The following CMTM4 variants were observed in gnomAD, a reference collection of about 807,000 sequenced individuals.
The protein encoded by CMTM4 is CKLF like MARVEL transmembrane domain containing 4.
CMTM4 carries 8 observed loss-of-function variants against 19.0 expected under a neutral mutation model. The observed-to-expected ratio is 0.42, with a 90% CI of 0.25 to 0.76. CMTM4 has a LOEUF of 0.76. CMTM4 is among the 30% of genes least tolerant of loss of function. CMTM4 has a pLI of 0.27. For missense variants in CMTM4, 228 were observed against 290.2 expected, an observed-to-expected ratio of 0.79 and a Z score of 1.56; for synonymous variants, 106 against 121.1, an observed-to-expected ratio of 0.88 and a Z score of 0.82.
chr16:66,624,168 C>T (rs537568041), intron 2 of CMTM4, among the ~76,000 whole-genome samples: 6 of 152,322 alleles, frequency 3.9e-5, no homozygotes, highest in South Asian at 2.1e-4. Context: ...CTGTGCTTTA[C>T]GTGAGAATGT....
chr16:66,622,366 C>T lies in CMTM4; in HGVS notation c.463-144G>A. On this transcript the variant is annotated intron_variant, in intron 3 of 3. Coordinates refer to ENST00000394106, the MANE Select transcript of CMTM4 (RefSeq NM_181521.3). This position sits in a 1 kb window ranked among gnomAD's most constrained non-coding sequence, Gnocchi z 4.0. ...GTGCCTTCATTCCTTGATCTCTTCC[C>T]CCTCTCAGCAGCCCCATTTGATCTA... 1.1e-6 allele frequency: 1 copy of T among 897,508 alleles called. No individual in the cohort carries two copies. The highest frequency in any genetic ancestry group is 1.7e-5 in the South Asian group (1 of 59,630). The allele number at this position is 897,508 out of a possible 1,614,324, so 55.6% of individuals were successfully genotyped here. A position where few individuals can be genotyped will look rare whatever the true frequency, so the allele number is the denominator to read the frequency against.
intron 1 of CMTM4, among the ~76,000 whole-genome samples, chr16:66,695,451 T>TG (rs2017216024): frequency 6.6e-6 from 1 of 152,096 alleles, no homozygotes; most frequent in Non-Finnish European, 1.5e-5. Flanking sequence ...CAGAGAATGT[T>TG]GGGGGGACAC....
chr16:66,608,275 G>T, the CMTM4 span: 10 of 1,612,412 alleles, frequency 6.2e-6, no homozygotes, highest in Non-Finnish European at 8.5e-6. The surrounding 1 kb of genome is among the most constrained non-coding windows in gnomAD (Gnocchi z 5.1). Flanking sequence ...AACATGAAAA[G>T]GCTCTGACTT....
intron 1 of CMTM4, among the ~76,000 whole-genome samples, chr16:66,668,923 T>C (rs901038147): frequency 2.0e-5 from 3 of 152,228 alleles, no homozygotes; most frequent in African/African-American, 4.8e-5. Flanking sequence ...GCTGGAAAAC[T>C]GCTTAGCTGT....
At chr16:66,674,968 C>A (rs2016782072) in intron 1 of CMTM4, among the ~76,000 whole-genome samples, 1 of 151,982 alleles carries the variant, frequency 6.6e-6, no homozygotes, top group Admixed American at 6.6e-5. Context: ...GTCTCAAACT[C>A]CTGACCTCAG....
chr16:66,614,267 C>T (rs1385950241), downstream of CMTM4, among the ~76,000 whole-genome samples: 1 of 152,234 alleles, frequency 6.6e-6, no homozygotes, highest in Admixed American at 6.5e-5. The surrounding 1 kb of genome is among the most constrained non-coding windows in gnomAD (Gnocchi z 4.9). Context: ...CTAGTTCTCA[C>T]ACTACCCTGT....
chr16:66,676,701 T>G (rs355930), intron 1 of CMTM4, among the ~76,000 whole-genome samples: 148,807 of 152,198 alleles, frequency 0.98, 72,764 homozygotes, highest in East Asian at 1. Flanking sequence ...CCTTGATTTG[T>G]GACTTGTTCC....
intron 2 of CMTM4, among the ~76,000 whole-genome samples, chr16:66,628,052 C>G (rs1474002793): frequency 6.6e-6 from 1 of 152,182 alleles, no homozygotes; most frequent in African/African-American, 2.4e-5. Context: ...TGGATGTGCA[C>G]GTAGGCCAGA....
chr16:66,649,966 C>T (rs2144838068), intron 1 of CMTM4, among the ~76,000 whole-genome samples: 1 of 152,264 alleles, frequency 6.6e-6, no homozygotes, highest in East Asian at 1.9e-4. Flanking sequence ...AGTTCCAGTC[C>T]AGCCAACACA....
chr16:66,649,377 G>A (rs1250548415), intron 1 of CMTM4, among the ~76,000 whole-genome samples: 1 of 152,074 alleles, frequency 6.6e-6, no homozygotes, highest in African/African-American at 2.4e-5. Context: ...CCTAACTCTA[G>A]GGATGCATTG....
chr16:66,653,072 G>T (rs1158212466), intron 1 of CMTM4, among the ~76,000 whole-genome samples: 1 of 152,130 alleles, frequency 6.6e-6, no homozygotes, highest in Non-Finnish European at 1.5e-5. Context: ...TAGCTTCATA[G>T]ATGAAGCTGA....
At chr16:66,676,330 G>T (rs945006684) in intron 1 of CMTM4, among the ~76,000 whole-genome samples, 4 of 152,134 alleles carry the variant, frequency 2.6e-5, no homozygotes, top group Admixed American at 2.0e-4. Flanking sequence ...TCATAATTCT[G>T]TCTCTCCCCA....
At chr16:66,638,818 C>G (rs371231017) in intron 1 of CMTM4, among the ~76,000 whole-genome samples, 1 of 151,974 alleles carries the variant, frequency 6.6e-6, no homozygotes, top group Non-Finnish European at 1.5e-5. Context: ...TGAGATCGTG[C>G]CACTGCACTC....
chr16:66,652,833 G>A (rs1453838253), intron 1 of CMTM4, among the ~76,000 whole-genome samples: 1 of 152,196 alleles, frequency 6.6e-6, no homozygotes, highest in South Asian at 2.1e-4. Flanking sequence ...GAAAACCACA[G>A]GACGGTCAGC....
intron 1 of CMTM4, among the ~76,000 whole-genome samples, chr16:66,664,762 G>A (rs1453332444): frequency 6.6e-6 from 1 of 151,860 alleles, no homozygotes; most frequent in African/African-American, 2.4e-5. Context: ...GGGAAAACAG[G>A]AACAAAACAG....
the CMTM4 span, among the ~76,000 whole-genome samples, chr16:66,601,056 C>G: frequency 1.3e-5 from 2 of 151,742 alleles, no homozygotes; most frequent in African/African-American, 4.8e-5. Context: ...TACTAAGACC[C>G]TGTGCAGGTT....
intron 2 of CMTM4, among the ~76,000 whole-genome samples, chr16:66,626,442 T>G (rs987077465): frequency 6.6e-5 from 10 of 152,012 alleles, no homozygotes; most frequent in Non-Finnish European, 1.0e-4. Flanking sequence ...CCATCTCTAC[T>G]AAAACACAAA....
chr16:66,691,531 T>G (rs2017134817), intron 1 of CMTM4, among the ~76,000 whole-genome samples: 1 of 152,058 alleles, frequency 6.6e-6, no homozygotes, highest in African/African-American at 2.4e-5. Context: ...GGAGACCCTA[T>G]CTCTACAAAA....
intron 1 of CMTM4, among the ~76,000 whole-genome samples, chr16:66,679,589 C>T (rs1041586039): frequency 2.0e-5 from 3 of 151,738 alleles, no homozygotes; most frequent in African/African-American, 2.4e-5. Flanking sequence ...TTAGGGAGGC[C>T]GAGGTGGGCA....
Sources: gnomAD v4.1 joint callset for allele counts (sites outside exome capture counted in the v4.1 genomes callset) on GRCh38, gnomAD v4.1.1 for gene constraint, Gnocchi (gnomAD v3.1) non-coding constraint, MANE v1.5 for transcripts, NCBI Gene and HGNC (gene_info 2026-07-23, HGNC 2026-07-21) for gene names.